UBE2V1: variants seen among roughly 807,000 people sequenced by gnomAD.
UBE2V1 encodes ubiquitin-conjugating enzyme E2 variant 1.
A neutral mutation model predicts 19.6 loss-of-function variants in UBE2V1; 15 were observed. The ratio of observed to expected loss-of-function variants is 0.77; its 90% CI spans 0.51 to 1.18. UBE2V1 has a LOEUF of 1.18. UBE2V1 is among the 50% of genes most tolerant of loss of function. UBE2V1 has a pLI of 0.00. For synonymous variants in UBE2V1, 60 were observed against 60.7 expected, an observed-to-expected ratio of 0.99 and a Z score of 0.05; for missense variants, 125 against 184.8, an observed-to-expected ratio of 0.68 and a Z score of 1.88.
rs2080873447 is a variant in UBE2V1 at position 50,113,050 on chromosome 20, G to A, written c.22+57C>T. ...GCTGCAGGAGGCTTTGAGGGTCCCC[G>A]GCCCCCGGCCCAAGCCCATGCCCCC... On this transcript the variant is annotated intron_variant, in intron 1 of 3. Transcript: ENST00000371674. 9 of 776,724 alleles carry A rather than the reference G, an allele frequency of 1.2e-5. No individual in the cohort carries two copies. The South Asian group carries it at 2.4e-4, about 21-fold the overall frequency. The allele number at this position is 776,724 out of a possible 1,614,324, so 48.1% of individuals were successfully genotyped here. A position where few individuals can be genotyped will look rare whatever the true frequency, so the allele number is the denominator to read the frequency against.
At chr20:50,094,219 T>TATGCATTATATATTATATA (rs2079459797) in intron 2 of UBE2V1, among the ~76,000 whole-genome samples, 2 of 65,032 alleles carry the variant, frequency 3.1e-5, no homozygotes, top group Admixed American at 1.5e-4. Flanking sequence ...ATATATAACA[T>TATGCATTATATATTATATA]ATGCATTATA....
At chr20:50,110,646 ACTC>A (rs1569024506) in intron 1 of UBE2V1, among the ~76,000 whole-genome samples, 1 of 152,030 alleles carries the variant, frequency 6.6e-6, no homozygotes, top group Non-Finnish European at 1.5e-5. Context: ...ATCTTATCAT[ACTC>A]CTCTTTTTAA....
At chr20:50,098,154 T>C (rs1025521729) in intron 1 of UBE2V1, among the ~76,000 whole-genome samples, 1 of 152,274 alleles carries the variant, frequency 6.6e-6, no homozygotes, top group East Asian at 1.9e-4. Flanking sequence ...GTGTCATAAC[T>C]AAAGACCTAA....
rs560132106 is a variant in UBE2V1, at chr20:50,094,431, T to C, written c.171+2241A>G. On this transcript the variant is annotated intron_variant, in intron 2 of 3. Coordinates refer to ENST00000371674, the MANE Select transcript of UBE2V1 (RefSeq NM_001032288.3). ...GTCCACATACAAACCTGTATATAAA[T>C]GTTCCTAGAAGCATTATTTATAATA... is the stretch of plus-strand genomic sequence containing the variant. Among the ~76,000 whole-genome samples, 16 of 151,480 alleles carry C rather than the reference T, an allele frequency of 1.1e-4. No individual in the cohort carries two copies. In the South Asian group the frequency reaches 3.3e-3, roughly 31 times the overall value.
At chr20:50,107,553 C>T (rs529417394) in intron 1 of UBE2V1, among the ~76,000 whole-genome samples, 4 of 152,316 alleles carry the variant, frequency 2.6e-5, no homozygotes, top group African/African-American at 9.6e-5. Context: ...ATTCTACGAT[C>T]AAGTACCTCT....
chr20:50,083,039 C>A, intron 3 of UBE2V1, 125 bp from the exon 4 acceptor site: 1 of 1,446,682 alleles, frequency 6.9e-7, no homozygotes, highest in South Asian at 1.4e-5. Context: ...GCTGCTAATC[C>A]TAATACCTTA....
At chr20:50,100,628 A>T (rs1192120446) in intron 1 of UBE2V1, among the ~76,000 whole-genome samples, 1 of 152,226 alleles carries the variant, frequency 6.6e-6, no homozygotes, top group Non-Finnish European at 1.5e-5. Context: ...ATGGCAAAGT[A>T]TAACAGCTTC....
intron 1 of UBE2V1, among the ~76,000 whole-genome samples, chr20:50,106,503 A>G (rs980124088): frequency 1.3e-5 from 2 of 152,168 alleles, no homozygotes; most frequent in Admixed American, 6.5e-5. Flanking sequence ...CAGCATGTCA[A>G]TCTTGGAAAA....
chr20:50,114,647 C>T (rs1173097634), upstream of UBE2V1, among the ~76,000 whole-genome samples: 2 of 152,182 alleles, frequency 1.3e-5, no homozygotes, highest in Non-Finnish European at 2.9e-5. Flanking sequence ...GATGCCTGGA[C>T]ACCCTGTGCA....
In UBE2V1 at chr20:50,086,799, C is replaced by T. The variant is rs186313478; in HGVS notation, c.172-2545G>A. Among the ~76,000 whole-genome samples, 647 of 152,312 alleles carry T rather than the reference C, an allele frequency of 4.2e-3. 2 individuals carry two copies. The highest frequency in any genetic ancestry group is 0.014 in the African/African-American group (568 of 41,570). On this transcript the variant is annotated intron_variant, in intron 2 of 3. Transcript: ENST00000371674. The stretch of plus-strand genomic sequence containing the variant: ...TCATTTAAAAGCCCCAACCTAAGGC[C>T]GGGTGAGCTGGCTCACGCCTGTAAT...
intron 1 of UBE2V1, among the ~76,000 whole-genome samples, chr20:50,102,662 G>T (rs978948180): frequency 2.0e-5 from 3 of 152,160 alleles, no homozygotes; most frequent in African/African-American, 7.2e-5. Context: ...AAAGTGCTGG[G>T]ATTACAGGTG....
intron 2 of UBE2V1, among the ~76,000 whole-genome samples, chr20:50,089,191 G>C (rs376328189): frequency 1.2e-4 from 18 of 152,152 alleles, no homozygotes; most frequent in African/African-American, 4.1e-4. Flanking sequence ...CTTAAGGGAG[G>C]GGGGGATAAG....
At chr20:50,115,488 T>C, upstream of UBE2V1, 1 of 1,582,106 alleles carries the variant, frequency 6.3e-7, no homozygotes, top group South Asian at 1.1e-5. Context: ...GACTCACCTT[T>C]GCAGTGAAAT....
At chr20:50,090,918 T>A (rs1051748456) in intron 2 of UBE2V1, among the ~76,000 whole-genome samples, 1 of 152,212 alleles carries the variant, frequency 6.6e-6, no homozygotes, top group Non-Finnish European at 1.5e-5. Context: ...TATATACAGC[T>A]TTTATTTATC....
intron 1 of UBE2V1, among the ~76,000 whole-genome samples, chr20:50,112,456 C>T (rs1452069160): frequency 3.3e-5 from 5 of 152,106 alleles, no homozygotes; most frequent in Admixed American, 6.6e-5. Context: ...ATCCTTTTCC[C>T]TCCTCTCACT....
At chr20:50,098,592 G>C (rs2079784433) in intron 1 of UBE2V1, among the ~76,000 whole-genome samples, 1 of 152,172 alleles carries the variant, frequency 6.6e-6, no homozygotes, top group Non-Finnish European at 1.5e-5. Flanking sequence ...AGAGACAAGA[G>C]TCAACTACAG....
rs1044975480 is a variant in UBE2V1, at chr20:50,081,135, C to T, written c.*1633G>A. 8.8e-5 allele frequency: 13 copies of T among 148,334 alleles called. No individual in the cohort carries two copies. In the South Asian group the frequency reaches 1.1e-3, roughly 12 times the overall value. 9.2% of individuals were successfully genotyped at this position (148,334 alleles called of 1,614,324 possible). ...AAAAGTACAGCCTGTTAAATATTAA[C>T]GCACACTTTTTTTTTATTATATTAA... is the stretch of plus-strand genomic sequence containing the variant. On this transcript the variant is annotated 3_prime_UTR_variant, in exon 4 of 4. Coordinates refer to ENST00000371674, the MANE Select transcript of UBE2V1 (RefSeq NM_001032288.3).
At chr20:50,090,687 A>G (rs1189786174) in intron 2 of UBE2V1, among the ~76,000 whole-genome samples, 3 of 152,184 alleles carry the variant, frequency 2.0e-5, no homozygotes, top group African/African-American at 7.2e-5. Flanking sequence ...AAAGGGCACA[A>G]ACTTTCAGTT....
chr20:50,115,609 C>A, upstream of UBE2V1: 1 of 1,441,716 alleles, frequency 6.9e-7, no homozygotes, highest in Non-Finnish European at 9.3e-7. Flanking sequence ...GTAGTATCAA[C>A]CTCATAGGAT....
Sources: allele counts gnomAD v4.1 joint callset (sites outside exome capture counted in the v4.1 genomes callset), GRCh38; gene constraint gnomAD v4.1.1; transcripts MANE v1.5; gene names NCBI Gene and HGNC (gene_info 2026-07-23, HGNC 2026-07-21).